Variants in KCTD8 observed in about 807,000 individuals in gnomAD.
The protein encoded by KCTD8 is potassium channel tetramerization domain containing 8.
KCTD8 carries 27 observed loss-of-function variants against 31.5 expected under a neutral mutation model. The observed-to-expected ratio is 0.86, with a 90% CI of 0.63 to 1.18. The LOEUF (loss-of-function observed/expected upper bound fraction) is 1.18, where lower values mean the gene tolerates loss of function less well. Ranked by LOEUF, KCTD8 falls within the 50% of genes most tolerant of loss-of-function variation. The pLI is 0.00. For synonymous variants in KCTD8, 290 were observed against 280.0 expected (o/e 1.04, Z -0.36); for missense variants, 658 against 647.7 (o/e 1.02, Z -0.17).
In KCTD8 at chr4:44,429,458, A is replaced by T. The variant is rs6817904; in HGVS notation, c.961+18105T>A. 8.0e-3 allele frequency among the ~76,000 whole-genome samples: 1,208 copies of T among 151,900 alleles called. 7 individuals are homozygous for T. The highest frequency in any genetic ancestry group is 0.015 in the Non-Finnish European group (1,001 of 67,808). ...GGATTTAAGGGCATAGATAGAAAAT[A>T]GTGGAGACCATTGAAGGGGCTGTTT... is the stretch of plus-strand genomic sequence containing the variant. On this transcript the variant is annotated intron_variant, in intron 1 of 1. Transcript: ENST00000360029.
intron 1 of KCTD8, among the ~76,000 whole-genome samples, chr4:44,361,054 G>T (rs1014988209): frequency 2.0e-5 from 3 of 151,808 alleles, no homozygotes; most frequent in Non-Finnish European, 4.4e-5. Context: ...CTAATCTCAA[G>T]CACAGTGAGA....
intron 1 of KCTD8, among the ~76,000 whole-genome samples, chr4:44,236,917 CT>C (rs1715307107): frequency 6.6e-6 from 1 of 152,134 alleles, no homozygotes; most frequent in Non-Finnish European, 1.5e-5. Flanking sequence ...GGGGTTTCCC[CT>C]TTTGCTTGGC....
intron 1 of KCTD8, among the ~76,000 whole-genome samples, chr4:44,196,619 C>T (rs968934726): frequency 6.6e-5 from 10 of 152,134 alleles, no homozygotes; most frequent in African/African-American, 2.2e-4. Context: ...ACACGAAGAA[C>T]AGAGAAGAGT....
intron 1 of KCTD8, among the ~76,000 whole-genome samples, chr4:44,177,863 T>C (rs1393558037): frequency 6.6e-6 from 1 of 152,130 alleles, no homozygotes; most frequent in Non-Finnish European, 1.5e-5. Flanking sequence ...AATTGTCCCA[T>C]ATTAAATGTT....
intron 1 of KCTD8, among the ~76,000 whole-genome samples, chr4:44,297,250 A>G (rs1220359753): frequency 6.6e-6 from 1 of 152,120 alleles, no homozygotes; most frequent in Middle Eastern, 3.2e-3. Context: ...AAAACAGATT[A>G]GAATAGCATT....
chr4:44,432,086 A>G (rs1721519470), intron 1 of KCTD8, among the ~76,000 whole-genome samples: 1 of 151,606 alleles, frequency 6.6e-6, no homozygotes, highest in South Asian at 2.1e-4. Flanking sequence ...CCTTATTAAA[A>G]CATTTTATTG....
In KCTD8 at chr4:44,307,442, C is replaced by G. The variant is rs527701991; in HGVS notation, c.962-132192G>C. ...TGAAATCATCGTACACTTGCTCATG[C>G]GTGATCATTTTCAAGAGGAATGTCA... On this transcript the variant is annotated intron_variant, in intron 1 of 1. Transcript: ENST00000360029. 2.5e-4 allele frequency among the ~76,000 whole-genome samples: 38 copies of G among 152,024 alleles called. 1 individual carries two copies. The highest frequency in any genetic ancestry group is 8.2e-4 in the African/African-American group (34 of 41,490).
intron 1 of KCTD8, among the ~76,000 whole-genome samples, chr4:44,264,493 G>A (rs1237664346): frequency 6.6e-6 from 1 of 152,198 alleles, no homozygotes; most frequent in African/African-American, 2.4e-5. Flanking sequence ...TTCCATCTGA[G>A]GTAACGGGTT....
At chr4:44,377,446 A>G (rs995952152) in intron 1 of KCTD8, among the ~76,000 whole-genome samples, 2 of 152,216 alleles carry the variant, frequency 1.3e-5, no homozygotes, top group African/African-American at 4.8e-5. Flanking sequence ...CTCAGGAAGC[A>G]GGCTCAAGGC....
intron 1 of KCTD8, among the ~76,000 whole-genome samples, chr4:44,295,649 C>A (rs2109388223): frequency 6.6e-6 from 1 of 152,206 alleles, no homozygotes; most frequent in Admixed American, 6.5e-5. Context: ...CAGAATAGCA[C>A]AGACTGGTTA....
rs545029781 is a variant in KCTD8, at chr4:44,182,743, TG to T, written c.962-7494del. Among the ~76,000 whole-genome samples, 151 of 152,192 alleles carry T rather than the reference TG, an allele frequency of 9.9e-4. 1 individual carries two copies. The highest frequency in any genetic ancestry group is 2.8e-3 in the African/African-American group (118 of 41,522). ...TCCCTCCACTATTGTCCTATGACCC[TG>T]CCAAATCCCCCTCTGCAAGAAACAC... On this transcript the variant is annotated intron_variant, in intron 1 of 1. Coordinates refer to ENST00000360029, the MANE Select transcript of KCTD8 (RefSeq NM_198353.3).
intron 1 of KCTD8, among the ~76,000 whole-genome samples, chr4:44,437,148 C>A (rs1257743558): frequency 6.6e-6 from 1 of 151,606 alleles, no homozygotes; most frequent in African/African-American, 2.4e-5. Context: ...AAGTCCCATA[C>A]CTGCAAGTTG....
rs372956006 is a variant in KCTD8, at chr4:44,448,286, G to A, written c.238C>T (p.Arg80Cys). 6.2e-7 allele frequency: 1 copy of A among 1,607,546 alleles called. No homozygotes were observed. Among genetic ancestry groups the A allele is most frequent in the Non-Finnish European group, 8.5e-7 (1 of 1,177,970 alleles). ...LASMFSPSSPRGGARRRGELP... is the reference protein window; with the variant it reads ...LASMFSPSSPCGGARRRGELP... ...TCGCCCCGGCGCCGGGCGCCGCCAC[G>A]GGGACTAGAGGGCGAGAACATGCTG... The change falls in exon 1 of 2, where the codon CGT becomes TGT. Residue 80 changes from arginine to cysteine, a missense_variant. By Grantham distance (180) the Arg-to-Cys change is radical. Transcript: ENST00000360029. The surrounding 1 kb of genome is among the most constrained non-coding windows in gnomAD (Gnocchi z 4.1).
At chr4:44,434,102 C>G (rs1376169370) in intron 1 of KCTD8, among the ~76,000 whole-genome samples, 1 of 151,858 alleles carries the variant, frequency 6.6e-6, no homozygotes. Context: ...AAACTATTCC[C>G]CGAACATGCC....
chr4:44,422,616 A>C (rs754089213), intron 1 of KCTD8, among the ~76,000 whole-genome samples: 4 of 152,150 alleles, frequency 2.6e-5, no homozygotes, highest in Non-Finnish European at 4.4e-5. Context: ...ATTGACAGAA[A>C]TAGTACAACT....
At chr4:44,256,598 G>C (rs936046846) in intron 1 of KCTD8, among the ~76,000 whole-genome samples, 1 of 151,868 alleles carries the variant, frequency 6.6e-6, no homozygotes, top group Non-Finnish European at 1.5e-5. Flanking sequence ...TTGTTGGTGT[G>C]ATTAAATTAA....
intron 1 of KCTD8, among the ~76,000 whole-genome samples, chr4:44,349,612 A>G (rs556193973): frequency 3.9e-5 from 6 of 152,318 alleles, no homozygotes; most frequent in African/African-American, 1.4e-4. Context: ...GGTTCTTTCC[A>G]GAAGGGAGAG....
At chr4:44,356,606 T>C (rs1027134773) in intron 1 of KCTD8, among the ~76,000 whole-genome samples, 1 of 152,070 alleles carries the variant, frequency 6.6e-6, no homozygotes, top group Non-Finnish European at 1.5e-5. Context: ...GCCGAGTAGC[T>C]GGTAGCCGAG....
chr4:44,230,979 A>T (rs1448126383), intron 1 of KCTD8, among the ~76,000 whole-genome samples: 8 of 152,180 alleles, frequency 5.3e-5, no homozygotes, highest in Admixed American at 6.5e-5. Flanking sequence ...ATACCCTGAA[A>T]AAATCGATTT....
Sources: gnomAD v4.1 joint callset for allele counts (sites outside exome capture counted in the v4.1 genomes callset) on GRCh38, gnomAD v4.1.1 for gene constraint, Gnocchi (gnomAD v3.1) non-coding constraint, MANE v1.5 for transcripts, NCBI Gene and HGNC (gene_info 2026-07-23, HGNC 2026-07-21) for gene names.